Variants in SERPINB3 observed in about 807,000 individuals in gnomAD.
The protein encoded by SERPINB3 is serpin B3.
In SERPINB3, 33 loss-of-function variants were observed where a neutral mutation model predicts 33.0. That is an observed-to-expected ratio of 1.00 (90% confidence interval 0.76 to 1.34). The LOEUF is 1.34. Among genes scored for constraint, SERPINB3 ranks in the 40% most tolerant of loss-of-function variants. The probability of loss-of-function intolerance (pLI) is 0.00; values close to 1 mark genes in which losing one functional copy is unlikely to be tolerated. For missense variants in SERPINB3, 518 were observed against 461.5 expected (o/e 1.12, Z -1.12); for synonymous variants, 200 against 170.9 (o/e 1.17, Z -1.33).
In SERPINB3 at chr18:63,656,909, C is replaced by A. The variant is rs1208698493; in HGVS notation, c.690G>T (p.Lys230Asn). ...TGCCTTTGTATGGTATTTCCAGGAC[C>A]TTGGCCTGTACATCCTCCAGCGAGG... ...HFASLEDVQA[K>N]VLEIPYKGKD... Residue 230 changes from lysine to asparagine, a missense_variant, in exon 7 of 8, where the codon AAG (lysine) becomes AAT (asparagine). Physicochemically the swap from Lys to Asn is moderately conservative, Grantham distance 94. Transcript: ENST00000283752. 6.2e-7 allele frequency: 1 copy of A among 1,613,422 alleles called. No individual in the cohort carries two copies. Among genetic ancestry groups the A allele is most frequent in the African/African-American group, 1.3e-5 (1 of 74,912 alleles).
intron 4 of SERPINB3, 95 bp downstream of exon 4, chr18:63,659,304 G>A (rs535406893): frequency 8.1e-6 from 11 of 1,358,220 alleles, no homozygotes; most frequent in African/African-American, 1.4e-5. Flanking sequence ...CACCTGGATC[G>A]GTCAGGCTCA....
At chr18:63,658,732 CT>C (rs1913563586) in intron 4 of SERPINB3, 102 bp from the exon 5 acceptor site, 4 of 864,238 alleles carry the variant, frequency 4.6e-6, no homozygotes. Context: ...AATCCAGACC[CT>C]GAATAGATGC....
intron 5 of SERPINB3, 114 bp from the exon 6 acceptor site, chr18:63,657,526 A>G (rs1913529565): frequency 1.2e-6 from 1 of 853,686 alleles, no homozygotes; most frequent in Non-Finnish European, 1.7e-6. Flanking sequence ...TCCCTACTTG[A>G]GACTCACTGA....
intron 6 of SERPINB3, 28 bp downstream of exon 6, chr18:63,657,242 C>A: frequency 8.3e-7 from 1 of 1,202,114 alleles, no homozygotes. Context: ...TAACATATTA[C>A]ATTATATAAA....
Position 63,656,908 on chromosome 18 carries a change from C to T in SERPINB3, c.691G>A (p.Val231Ile). 6.2e-7 allele frequency: 1 copy of T among 1,613,552 alleles called. No homozygotes were observed. Among genetic ancestry groups the T allele is most frequent in the Non-Finnish European group, 8.5e-7 (1 of 1,179,630 alleles). ...TTGCCTTTGTATGGTATTTCCAGGA[C>T]CTTGGCCTGTACATCCTCCAGCGAG... ...FASLEDVQAK[V>I]LEIPYKGKDL... Residue 231 changes from valine (V) to isoleucine (I), a missense_variant, in exon 7 of 8, where the codon GTC becomes ATC. Val to Ile is a conservative substitution (Grantham distance 29). Coordinates refer to ENST00000283752, the MANE Select transcript of SERPINB3 (RefSeq NM_006919.3).
chr18:63,660,772 A>C, intron 3 of SERPINB3, 28 bp downstream of exon 3: 1 of 1,613,122 alleles, frequency 6.2e-7, no homozygotes, highest in Non-Finnish European at 8.5e-7. Flanking sequence ...GGGGATCTAA[A>C]GCTGAACCAT....
intron 4 of SERPINB3, among the ~76,000 whole-genome samples, 178 bp from the exon 5 acceptor site, chr18:63,658,808 G>C (rs1194158033): frequency 1.3e-5 from 2 of 152,128 alleles, no homozygotes; most frequent in Non-Finnish European, 2.9e-5. Context: ...GCGGAGTGCG[G>C]GCTGGCGCAA....
intron 5 of SERPINB3, among the ~76,000 whole-genome samples, chr18:63,657,631 A>C (rs1447841655): frequency 6.6e-6 from 1 of 152,148 alleles, no homozygotes; most frequent in African/African-American, 2.4e-5. Context: ...CTTAATGGAG[A>C]CATCACTTCT....
intron 2 of SERPINB3, 74 bp from the exon 3 acceptor site, chr18:63,660,930 G>T (rs914706874): frequency 6.2e-7 from 1 of 1,611,332 alleles, no homozygotes; most frequent in Non-Finnish European, 8.5e-7. Context: ...TCACAGTTAC[G>T]GGAATTCCTG....
intron 7 of SERPINB3, among the ~76,000 whole-genome samples, 181 bp from the exon 8 acceptor site, chr18:63,656,242 T>A (rs940586347): frequency 5.1e-4 from 77 of 150,578 alleles, no homozygotes; most frequent in African/African-American, 1.9e-3. Flanking sequence ...ATAAATACAT[T>A]GGGTTATATG....
chr18:63,657,076 A>C, intron 6 of SERPINB3, 90 bp from the exon 7 acceptor site: 2 of 1,194,264 alleles, frequency 1.7e-6, no homozygotes, highest in Non-Finnish European at 2.3e-6. Flanking sequence ...CCTTCTTTTA[A>C]GAAATAATCC....
intron 7 of SERPINB3, 64 bp from the exon 8 acceptor site, chr18:63,656,125 G>C: frequency 6.5e-7 from 1 of 1,539,578 alleles, no homozygotes; most frequent in African/African-American, 1.4e-5. Flanking sequence ...CCTTAACAAT[G>C]AATTGACTAT....
intron 3 of SERPINB3, 137 bp from the exon 4 acceptor site, chr18:63,659,664 G>A: frequency 1.7e-6 from 2 of 1,181,098 alleles, no homozygotes; most frequent in Non-Finnish European, 2.4e-6. Context: ...GATACTTGGT[G>A]TATTTCACCT....
At chr18:63,656,176 A>T (rs1248913700) in intron 7 of SERPINB3, 115 bp from the exon 8 acceptor site, 10 of 1,250,934 alleles carry the variant, frequency 8.0e-6, no homozygotes, top group Middle Eastern at 2.0e-4. Flanking sequence ...GAAATACAGA[A>T]GGTTCACTTT....
rs116467438 is a variant in SERPINB3, at chr18:63,659,235, A to G, written c.351+164T>C. 2,442 of 724,148 alleles carry G rather than the reference A, an allele frequency of 3.4e-3. 51 individuals are homozygous for G. The African/African-American group carries it at 0.037, about 11-fold the overall frequency. The allele number at this position is 724,148 out of a possible 1,614,324, so 44.9% of individuals were successfully genotyped here. On this transcript the variant is annotated intron_variant, in intron 4 of 7. Transcript: ENST00000283752. ...CAGTGATGTATTGTTAGGGTCTGGG[A>G]CACTCCAGTGGGGGAGAGTTGTGGA...
rs570288715 is a variant in SERPINB3 at position 63,655,768 on chromosome 18, T to A, written c.1062A>T (p.Ser354=). 6.2e-7 allele frequency: 1 copy of A among 1,613,078 alleles called. No homozygotes were observed. Among genetic ancestry groups the A allele is most frequent in the African/African-American group, 1.3e-5 (1 of 74,092 alleles). ...ACTCTTCATTAGTTGAAGTAGGTGA[T>A]GATCCGAATCCTACTACAGCGGTGG... The part of the protein sequence containing the change: ...AAATAVVGFG[S]SPTSTNEEFH... Residue 354 remains serine, a synonymous_variant, in exon 8 of 8, where the codon TCA becomes TCT. Transcript: ENST00000283752.
chr18:63,659,311 C>T (rs762482357), intron 4 of SERPINB3, 88 bp downstream of exon 4: 15 of 1,435,004 alleles, frequency 1.0e-5, no homozygotes, highest in Non-Finnish European at 9.8e-7. Context: ...ATCGGTCAGG[C>T]TCATCTGCCT....
chr18:63,659,201 T>C (rs2144495524), intron 4 of SERPINB3, 198 bp downstream of exon 4: 1 of 618,402 alleles, frequency 1.6e-6, no homozygotes, highest in East Asian at 2.8e-5. Context: ...TATCCCTAAA[T>C]CCACACTTCA....
Position 63,659,376 on chromosome 18 carries a change from G to A in SERPINB3, c.351+23C>T, listed in dbSNP as rs762970401. On this transcript the variant is annotated intron_variant, in intron 4 of 7. Transcript: ENST00000283752. ...ACAGACATCAGGATGCAAATGAAAT[G>A]TGGGTAGGCCAGGTGAAATTACCTG... 3 of 1,538,222 alleles carry A rather than the reference G, an allele frequency of 2.0e-6. No individual in the cohort carries two copies. The African/African-American group carries it at 5.7e-5, about 29-fold the overall frequency.
Sources: allele counts gnomAD v4.1 joint callset (sites outside exome capture counted in the v4.1 genomes callset), GRCh38; gene constraint gnomAD v4.1.1; transcripts MANE v1.5; gene names NCBI Gene and HGNC (gene_info 2026-07-23, HGNC 2026-07-21).